The following CEMIP2 variants were observed in gnomAD, a reference collection of about 807,000 sequenced individuals.
The protein encoded by CEMIP2 is cell surface hyaluronidase CEMIP2.
In CEMIP2, 79 loss-of-function variants were observed where a neutral mutation model predicts 146.9. The ratio of observed to expected loss-of-function variants is 0.54; its 90% CI spans 0.45 to 0.65. The LOEUF (loss-of-function observed/expected upper bound fraction) is 0.65. Among genes scored for constraint, CEMIP2 ranks in the 30% least tolerant of loss-of-function variants. The pLI, the probability that CEMIP2 is intolerant of heterozygous loss-of-function variation, is 0.00. For synonymous variants in CEMIP2, 601 were observed against 606.3 expected (o/e 0.99, Z 0.13); for missense variants, 1,596 against 1,696.2 (o/e 0.94, Z 1.04).
At chr9:71,749,234 A>G (rs756232615) in intron 2 of CEMIP2, among the ~76,000 whole-genome samples, 3 of 152,220 alleles carry the variant, frequency 2.0e-5, no homozygotes, top group Non-Finnish European at 4.4e-5. Flanking sequence ...CAGAACTTAT[A>G]TATCCTAAAG....
At chr9:71,729,139 G>C (rs62547024) in intron 10 of CEMIP2, among the ~76,000 whole-genome samples, 10,672 of 151,742 alleles carry the variant, frequency 0.07, 540 homozygotes, top group South Asian at 0.19. Context: ...TGTGCCTGAC[G>C]TAAGCCTATT....
intron 17 of CEMIP2, among the ~76,000 whole-genome samples, chr9:71,708,172 C>A (rs1476255977): frequency 6.6e-6 from 1 of 152,136 alleles, no homozygotes; most frequent in Non-Finnish European, 1.5e-5. Context: ...GGCGACAGAG[C>A]AAGACTCCGT....
Position 71,707,715 on chromosome 9 carries a change from T to TC in CEMIP2, c.2985+1543dup, listed in dbSNP as rs544194389. ...AGGGGAAATAGCACAGCACGGATCC[T>TC]CCCCAGGAAGAGCCCATGCTACGAA... On this transcript the variant is annotated intron_variant, in intron 17 of 23. Transcript: ENST00000377044. Among the ~76,000 whole-genome samples the TC allele has an allele frequency of 2.6e-5, 4 of 152,180 alleles. No homozygotes were observed. The South Asian group carries it at 8.3e-4, about 32-fold the overall frequency.
chr9:71,717,231 A>G (rs1022077616), intron 13 of CEMIP2, among the ~76,000 whole-genome samples: 4 of 152,146 alleles, frequency 2.6e-5, no homozygotes, highest in Non-Finnish European at 5.9e-5. Context: ...CAGTGTATCA[A>G]AGTATTAGCT....
chr9:71,744,919 G>T, intron 4 of CEMIP2, 99 bp downstream of exon 4: 2 of 1,316,860 alleles, frequency 1.5e-6, no homozygotes, highest in Non-Finnish European at 2.1e-6. Context: ...CCCTTCTGAT[G>T]CCTGAGTCAT....
chr9:71,729,891 G>A lies in CEMIP2; in HGVS notation c.2003C>T (p.Ala668Val). Reference protein sequence around the residue: ...DCMAVSTFWIAHPNNNLINNA... With the variant: ...DCMAVSTFWIVHPNNNLINNA... The stretch of plus-strand genomic sequence containing the variant: ...ATTAATCAGATTATTGTTGGGATGA[G>A]CAATCCAGAAAGTTGAAACAGCCCT... The change falls in exon 10 of 24, where the codon GCT (alanine) becomes GTT (valine). Residue 668 changes from alanine (A) to valine (V), a missense_variant. By Grantham distance (64) the Ala-to-Val change is moderately conservative. Transcript: ENST00000377044. 1 of 1,614,186 alleles carries A rather than the reference G, an allele frequency of 6.2e-7. No individual in the cohort carries two copies. The highest frequency in any genetic ancestry group is 8.5e-7 in the Non-Finnish European group (1 of 1,180,032).
intron 22 of CEMIP2, 97 bp from the exon 23 acceptor site, chr9:71,685,943 T>C: frequency 1.2e-6 from 1 of 848,286 alleles, no homozygotes; most frequent in Non-Finnish European, 1.9e-6. Context: ...TGAATAGAAA[T>C]ATTAGATAAA....
At chr9:71,753,324 C>T (rs879939016) in intron 1 of CEMIP2, among the ~76,000 whole-genome samples, 30 of 151,990 alleles carry the variant, frequency 2.0e-4, no homozygotes, top group Admixed American at 6.6e-4. Context: ...CAGATGTGCC[C>T]ACAATAAAAT....
chr9:71,754,605 A>T (rs1244694365), intron 1 of CEMIP2, among the ~76,000 whole-genome samples: 1 of 152,250 alleles, frequency 6.6e-6, no homozygotes, highest in African/African-American at 2.4e-5. Context: ...AATAAGACAG[A>T]TAATCCAAAA....
rs1823003143 is a variant in CEMIP2, at chr9:71,714,902, A to T, written c.2591+32T>A. 1.9e-6 allele frequency: 3 copies of T among 1,599,080 alleles called. No homozygotes were observed. In the South Asian group the frequency reaches 3.4e-5, roughly 18 times the overall value. On this transcript the variant is annotated intron_variant, in intron 15 of 23. Coordinates refer to ENST00000377044, the MANE Select transcript of CEMIP2 (RefSeq NM_013390.3). The stretch of plus-strand genomic sequence containing the variant: ...GGTTAGGTTTTCCTTTATTGCTTAA[A>T]TTTAACACTCCACAGCTAAAGCAAT...
intron 14 of CEMIP2, among the ~76,000 whole-genome samples, chr9:71,715,925 C>A (rs1445437653): frequency 6.6e-6 from 1 of 150,864 alleles, no homozygotes; most frequent in Admixed American, 6.6e-5. Flanking sequence ...TATGTCCAGC[C>A]CTCATATGAA....
intron 12 of CEMIP2, among the ~76,000 whole-genome samples, chr9:71,720,118 C>T (rs545046191): frequency 6.6e-6 from 1 of 152,292 alleles, no homozygotes; most frequent in African/African-American, 2.4e-5. Context: ...TCAACTGTCT[C>T]TTAATTGTCC....
At chr9:71,688,944 A>T (rs1014386518) in intron 22 of CEMIP2, among the ~76,000 whole-genome samples, 1 of 152,238 alleles carries the variant, frequency 6.6e-6, no homozygotes, top group Non-Finnish European at 1.5e-5. Flanking sequence ...ACCTATCTGC[A>T]TAACCAGAGG....
intron 1 of CEMIP2, among the ~76,000 whole-genome samples, chr9:71,755,527 G>A (rs1167217404): frequency 6.6e-6 from 1 of 151,766 alleles, no homozygotes; most frequent in Non-Finnish European, 1.5e-5. Context: ...CAGCTTGGGT[G>A]ACAGAGTAAG....
Position 71,694,610 on chromosome 9 carries a change from A to G in CEMIP2, c.3598-3T>C. On this transcript the variant is annotated splice_region_variant and splice_polypyrimidine_tract_variant and intron_variant, in intron 20 of 23. Transcript: ENST00000377044. ...TGAGGATCACTAGTAAACACCACCTAGACAGAGAAGAAGTTCCATATTTAT... is the reference window on the plus strand; with the variant it reads ...TGAGGATCACTAGTAAACACCACCTGGACAGAGAAGAAGTTCCATATTTAT... 1 of 1,600,616 alleles carries G rather than the reference A, an allele frequency of 6.2e-7. No homozygotes were observed. Among genetic ancestry groups the G allele is most frequent in the Non-Finnish European group, 8.6e-7 (1 of 1,167,892 alleles).
chr9:71,715,625 G>GATAGATATATATATATAT (rs1554682970), intron 14 of CEMIP2, among the ~76,000 whole-genome samples: 2 of 119,080 alleles, frequency 1.7e-5, no homozygotes, highest in African/African-American at 5.7e-5. Context: ...TCCCTCTTAA[G>GATAGATATATATATATAT]ATATATATAT....
chr9:71,745,414 C>A lies in CEMIP2; in HGVS notation c.638G>T (p.Ser213Ile), dbSNP rs753999032. 1.9e-6 allele frequency: 3 copies of A among 1,614,146 alleles called. No individual in the cohort carries two copies. Among genetic ancestry groups the A allele is most frequent in the Admixed American group, 1.7e-5 (1 of 60,018 alleles). Reference protein sequence around the residue: ...TLYGKSDEGESMPTFGKKFIG... With the variant: ...TLYGKSDEGEIMPTFGKKFIG... Reference sequence around the variant, plus strand: ...AAACTTTTTGCCAAATGTTGGCATACTTTCACCTTCATCTGACTTGCCATA... The same window carrying A: ...AAACTTTTTGCCAAATGTTGGCATAATTTCACCTTCATCTGACTTGCCATA... The change falls in exon 4 of 24, where the codon AGT becomes ATT. Residue 213 changes from serine (S) to isoleucine (I), a missense_variant. Coordinates refer to ENST00000377044, the MANE Select transcript of CEMIP2 (RefSeq NM_013390.3).
At chr9:71,708,383 G>A (rs1354977628) in intron 17 of CEMIP2, among the ~76,000 whole-genome samples, 1 of 152,038 alleles carries the variant, frequency 6.6e-6, no homozygotes, top group African/African-American at 2.4e-5. Context: ...TAAGAGCAGC[G>A]GGCACTGAAC....
Position 71,739,308 on chromosome 9 carries a change from A to G in CEMIP2, c.1204+755T>C, listed in dbSNP as rs184165186. ...CTTGAACCTGGGAGGCGGAGGTTGCAGTGAGATCATGCCACTGCACTCCAG... is the reference window on the plus strand; with the variant it reads ...CTTGAACCTGGGAGGCGGAGGTTGCGGTGAGATCATGCCACTGCACTCCAG... On this transcript the variant is annotated intron_variant, in intron 5 of 23. Coordinates refer to ENST00000377044, the MANE Select transcript of CEMIP2 (RefSeq NM_013390.3). Among the ~76,000 whole-genome samples the G allele has an allele frequency of 4.7e-5, 6 of 127,602 alleles. No individual in the cohort carries two copies. In the East Asian group the frequency reaches 1.6e-3, roughly 35 times the overall value. The allele number at this position is 127,602 out of a possible 152,430, so 83.7% of individuals were successfully genotyped here.
Sources: gnomAD v4.1 joint callset for allele counts (sites outside exome capture counted in the v4.1 genomes callset) on GRCh38, gnomAD v4.1.1 for gene constraint, MANE v1.5 for transcripts, NCBI Gene and HGNC (gene_info 2026-07-23, HGNC 2026-07-21) for gene names.